ARHGAP45: variants seen among roughly 807,000 people sequenced by gnomAD.
ARHGAP45 encodes the protein rho GTPase-activating protein 45.
Under a neutral mutation model 116.1 loss-of-function variants are expected in ARHGAP45, and 56 were observed. The ratio of observed to expected loss-of-function variants is 0.48; its 90% confidence interval spans 0.39 to 0.60. The LOEUF is 0.60. Ranked by LOEUF, ARHGAP45 falls within the 20% of genes least tolerant of loss-of-function variation. The pLI is 0.00. For missense variants in ARHGAP45, 1,622 were observed against 1,601.0 expected (o/e 1.01, Z -0.22); for synonymous variants, 866 against 701.7 (o/e 1.23, Z -3.70).
intron 2 of ARHGAP45, among the ~76,000 whole-genome samples, chr19:1,072,883 C>T (rs141613849): frequency 6.6e-6 from 1 of 152,298 alleles, no homozygotes; most frequent in Non-Finnish European, 1.5e-5. Flanking sequence ...GGACAAGAGG[C>T]AGTTTGCTTT....
chr19:1,082,498 G>A, intron 19 of ARHGAP45: 1 of 393,074 alleles, frequency 2.5e-6, no homozygotes. Flanking sequence ...GTCTGGGGAA[G>A]GGCGGAGCTG....
At chr19:1,075,258 C>A (rs1568462789) in intron 10 of ARHGAP45, among the ~76,000 whole-genome samples, 1 of 90,154 alleles carries the variant, frequency 1.1e-5, no homozygotes, top group South Asian at 3.2e-4. Flanking sequence ...TTTTTTGATA[C>A]GGAGTCTCGC....
rs1360730694 is a variant in ARHGAP45 at position 1,079,831 on chromosome 19, C to A, written c.1503C>A (p.Thr501=). 1 of 1,605,992 alleles carries A rather than the reference C, an allele frequency of 6.2e-7. No individual in the cohort carries two copies. The highest frequency in any genetic ancestry group is 8.5e-7 in the Non-Finnish European group (1 of 1,174,482). The part of the protein sequence containing the change: ...IQEVIRQSDQ[T]IKSATISYYQ... Reference sequence around the variant, plus strand: ...AGGTCATCCGGCAGAGCGACCAAACCATCAAGTCGGTGCGTGGGGTGCTCC... The same window carrying A: ...AGGTCATCCGGCAGAGCGACCAAACAATCAAGTCGGTGCGTGGGGTGCTCC... Residue 501 remains threonine, a synonymous_variant, in exon 12 of 23, where the codon ACC becomes ACA. Coordinates refer to ENST00000313093, the MANE Select transcript of ARHGAP45 (RefSeq NM_012292.5).
Position 1,085,655 on chromosome 19 carries a change from C to G in ARHGAP45, c.3065-5C>G, listed in dbSNP as rs766494077. 5 of 1,552,226 alleles carry G rather than the reference C, an allele frequency of 3.2e-6. No individual in the cohort carries two copies. The South Asian group carries it at 6.0e-5, about 19-fold the overall frequency. On this transcript the variant is annotated splice_polypyrimidine_tract_variant and splice_region_variant and intron_variant, in intron 22 of 22. Coordinates refer to ENST00000313093, the MANE Select transcript of ARHGAP45 (RefSeq NM_012292.5). ...CTCCCCCCGCCATCTGTCTCCCTTT[C>G]TTAGAATCCCGAGTTGTGTCCAACG...
At position 1,071,213 on chromosome 19, in the gene ARHGAP45, T is replaced by C; in HGVS notation, c.422-1936T>C. 1 of 1,425,500 alleles carries C rather than the reference T, an allele frequency of 7.0e-7. No homozygotes were observed. Among genetic ancestry groups the C allele is most frequent in the South Asian group, 1.3e-5 (1 of 75,612 alleles). 88.3% of individuals were successfully genotyped at this position (1,425,500 alleles called of 1,614,324 possible). A position where few individuals can be genotyped will look rare whatever the true frequency, so the allele number is the denominator to read the frequency against. On this transcript the variant is annotated intron_variant, in intron 2 of 22. Transcript: ENST00000313093. The surrounding 1 kb of genome is among the most constrained non-coding windows in gnomAD (Gnocchi z 4.6). ...GGCCTCCTGACCGGCCGGAGCCGGT[T>C]TGGCCACCGGAGACCCCCATCGGTC...
In ARHGAP45 at chr19:1,071,286, G is replaced by A; in HGVS notation, c.422-1863G>A. 2.7e-6 allele frequency: 4 copies of A among 1,478,234 alleles called. No homozygotes were observed. Among genetic ancestry groups the A allele is most frequent in the South Asian group, 1.2e-5 (1 of 80,322 alleles). The allele number at this position is 1,478,234 out of a possible 1,614,324, so 91.6% of individuals were successfully genotyped here. ...GCGGTCTCCGCGCCCCGACGGCTGC[G>A]CCATGTGTATCTGCGGGACGGCGCA... On this transcript the variant is annotated intron_variant, in intron 2 of 22. Coordinates refer to ENST00000313093, the MANE Select transcript of ARHGAP45 (RefSeq NM_012292.5). This position sits in a 1 kb window ranked among gnomAD's most constrained non-coding sequence, Gnocchi z 4.6.
chr19:1,084,665 T>C (rs1168967778), intron 22 of ARHGAP45, among the ~76,000 whole-genome samples: 2 of 152,192 alleles, frequency 1.3e-5, no homozygotes, highest in Non-Finnish European at 2.9e-5. Flanking sequence ...AGCCCGTTTT[T>C]CTAGAGAAGG....
intron 2 of ARHGAP45, among the ~76,000 whole-genome samples, chr19:1,070,301 CT>C (rs1348735743): frequency 3.9e-5 from 5 of 127,520 alleles, no homozygotes; most frequent in East Asian, 2.3e-4. Context: ...CCGGGCTTTT[CT>C]TTTTTTCTTT....
chr19:1,084,162 T>G, intron 21 of ARHGAP45, 76 bp from the exon 22 acceptor site: 4 of 1,340,814 alleles, frequency 3.0e-6, no homozygotes, highest in Non-Finnish European at 4.3e-6. Context: ...TTACGGGCTG[T>G]GTGGGTGGGT....
In ARHGAP45 at chr19:1,069,055, G is replaced by A. The variant is rs2043091899; in HGVS notation, c.421+311G>A. Among the ~76,000 whole-genome samples, 2 of 152,140 alleles carry A rather than the reference G, an allele frequency of 1.3e-5. No individual in the cohort carries two copies. Among genetic ancestry groups the A allele is most frequent in the African/African-American group, 4.8e-5 (2 of 41,422 alleles). On this transcript the variant is annotated intron_variant, in intron 2 of 22. Coordinates refer to ENST00000313093, the MANE Select transcript of ARHGAP45 (RefSeq NM_012292.5). The surrounding 1 kb of genome is among the most constrained non-coding windows in gnomAD (Gnocchi z 4.1). Reference sequence around the variant, plus strand: ...AAACACGGAAACAGAGAATGCATTTGGGGGCCAAGGTGTGGGGTGCCGCTG... The same window carrying A: ...AAACACGGAAACAGAGAATGCATTTAGGGGCCAAGGTGTGGGGTGCCGCTG...
intron 17 of ARHGAP45, 169 bp from the exon 18 acceptor site, chr19:1,081,381 C>A (rs2043428639): frequency 1.4e-6 from 1 of 724,744 alleles, no homozygotes; most frequent in Non-Finnish European, 2.2e-6. Context: ...GGCCACAGGG[C>A]AGGCGGGATC....
chr19:1,079,860 C>G lies in ARHGAP45; in HGVS notation c.1512+20C>G. On this transcript the variant is annotated intron_variant, in intron 12 of 22. Coordinates refer to ENST00000313093, the MANE Select transcript of ARHGAP45 (RefSeq NM_012292.5). ...AAGTCGGTGCGTGGGGTGCTCCGGC[C>G]GCCCGGGCGGGGATGGTGGACCGGG... 3 of 1,594,764 alleles carry G rather than the reference C, an allele frequency of 1.9e-6. No individual in the cohort carries two copies. The highest frequency in any genetic ancestry group is 4.5e-5 in the East Asian group (2 of 44,434).
rs1474500174 is a variant in ARHGAP45 at position 1,071,262 on chromosome 19, C to T, written c.422-1887C>T. 6.8e-7 allele frequency: 1 copy of T among 1,480,756 alleles called. No individual in the cohort carries two copies. Among genetic ancestry groups the T allele is most frequent in the Admixed American group, 2.1e-5 (1 of 46,634 alleles). 91.7% of individuals were successfully genotyped at this position (1,480,756 alleles called of 1,614,324 possible). A position where few individuals can be genotyped will look rare whatever the true frequency, so the allele number is the denominator to read the frequency against. ...TCAGCTGCCAGGCCCCACGCGCTCG[C>T]GGTCTCCGCGCCCCGACGGCTGCGC... On this transcript the variant is annotated intron_variant, in intron 2 of 22. Transcript: ENST00000313093. The surrounding 1 kb of genome is among the most constrained non-coding windows in gnomAD (Gnocchi z 4.6).
chr19:1,084,206 G>T (rs1166959870), intron 21 of ARHGAP45, 32 bp from the exon 22 acceptor site: 1 of 1,582,654 alleles, frequency 6.3e-7, no homozygotes, highest in Admixed American at 1.7e-5. Context: ...TGGAGCCCCG[G>T]CCCCTCTATG....
In ARHGAP45 at chr19:1,068,449, C is replaced by G. The variant is rs540497687; in HGVS notation, c.126C>G (p.Phe42Leu). The change falls in exon 2 of 23, where the codon TTC becomes TTG. Residue 42 changes from phenylalanine to leucine, a missense_variant. Around this residue, in one of 3 missense-constraint regions of ARHGAP45, gnomAD observed 279 missense variants for 311.9 expected, o/e 0.89. Coordinates refer to ENST00000313093, the MANE Select transcript of ARHGAP45 (RefSeq NM_012292.5). This position sits in a 1 kb window ranked among gnomAD's most constrained non-coding sequence, Gnocchi z 7.5. ...LPRKDGADAVFPGPSLEPPAG... is the reference protein window; with the variant it reads ...LPRKDGADAVLPGPSLEPPAG... ...GGAAGGATGGGGCTGACGCGGTGTTCCCCGGACCAAGCCTGGAGCCGCCCG... is the reference window on the plus strand; with the variant it reads ...GGAAGGATGGGGCTGACGCGGTGTTGCCCGGACCAAGCCTGGAGCCGCCCG... 55 of 1,580,260 alleles carry G rather than the reference C, an allele frequency of 3.5e-5. No individual in the cohort carries two copies. The highest frequency in any genetic ancestry group is 4.2e-5 in the Non-Finnish European group (49 of 1,163,478).
At chr19:1,077,747 AT>A in intron 10 of ARHGAP45, 109 bp from the exon 11 acceptor site, 3 of 1,535,154 alleles carry the variant, frequency 2.0e-6, no homozygotes, top group Non-Finnish European at 2.6e-6. Context: ...CAGCTGGGCC[AT>A]GGGGCCTTGC....
At chr19:1,075,033 C>A (rs536357986) in intron 10 of ARHGAP45, among the ~76,000 whole-genome samples, 154 bp downstream of exon 10, 13 of 133,200 alleles carry the variant, frequency 9.8e-5, no homozygotes, top group South Asian at 4.6e-4. Context: ...GGCCGCCCCC[C>A]CCAACGCCAA....
chr19:1,067,094 G>GT (rs1358537624), upstream of ARHGAP45: 1 of 952,002 alleles, frequency 1.1e-6, no homozygotes, highest in Admixed American at 5.3e-5. Context: ...GCGCGGCTCC[G>GT]AGCTCCCGAA....
upstream of ARHGAP45, chr19:1,067,079 G>T (rs2043046441): frequency 7.4e-6 from 6 of 810,820 alleles, no homozygotes; most frequent in Non-Finnish European, 9.2e-6. Flanking sequence ...CCCACCCCGC[G>T]AGCGGCGCGG....
Sources: gnomAD v4.1 joint callset for allele counts (sites outside exome capture counted in the v4.1 genomes callset) on GRCh38, gnomAD v4.1.1 for gene constraint, gnomAD v4.1.1 regional missense constraint, Gnocchi (gnomAD v3.1) non-coding constraint, MANE v1.5 for transcripts, NCBI Gene and HGNC (gene_info 2026-07-23, HGNC 2026-07-21) for gene names.